The following GALNT18 variants were observed in gnomAD, a reference collection of about 807,000 sequenced individuals.
GALNT18 encodes the protein GalNAc-transferase 18.
GALNT18 carries 44 observed loss-of-function variants against 69.5 expected under a neutral mutation model. That is an observed-to-expected ratio of 0.63 (90% CI 0.50 to 0.81). The LOEUF (loss-of-function observed/expected upper bound fraction) is 0.81. Ranked by LOEUF, GALNT18 falls within the 40% of genes least tolerant of loss-of-function variation. The probability of loss-of-function intolerance (pLI) is 0.00; values close to 1 mark genes in which losing one functional copy is unlikely to be tolerated. For synonymous variants in GALNT18, 364 were observed against 318.2 expected, an observed-to-expected ratio of 1.14 and a Z score of -1.53; for missense variants, 715 against 810.0, an observed-to-expected ratio of 0.88 and a Z score of 1.42.
At chr11:11,440,180 A>C (rs1046366811) in intron 2 of GALNT18, among the ~76,000 whole-genome samples, 1 of 152,230 alleles carries the variant, frequency 6.6e-6, no homozygotes, top group Non-Finnish European at 1.5e-5. Flanking sequence ...TCTGCTATGT[A>C]AAATGTAGAC....
chr11:11,340,933 C>T lies in GALNT18; in HGVS notation c.1164G>A (p.Lys388=), dbSNP rs1850194214. The change falls in exon 7 of 11, where the codon AAG becomes AAA. Residue 388 remains lysine, a synonymous_variant. Coordinates refer to ENST00000227756, the MANE Select transcript of GALNT18 (RefSeq NM_198516.3). The surrounding 1 kb of genome is among the most constrained non-coding windows in gnomAD (Gnocchi z 4.2). ...SRIAHIERAH[K]PYTEDLTAHV... ...GGGCGGTGAGGTCCTCTGTGTAGGG[C>T]TTGTGGGCTCGCTCAATGTGGGCAA... The T allele has an allele frequency of 6.8e-6, 11 of 1,613,980 alleles. No individual in the cohort carries two copies. Among genetic ancestry groups the T allele is most frequent in the Non-Finnish European group, 7.6e-6 (9 of 1,179,924 alleles).
Position 11,601,688 on chromosome 11 carries a change from GTC to G in GALNT18, c.235+19669_235+19670del, listed in dbSNP as rs1258454187. Among the ~76,000 whole-genome samples, 1 of 152,182 alleles carries G rather than the reference GTC, an allele frequency of 6.6e-6. No individual in the cohort carries two copies. Among genetic ancestry groups the G allele is most frequent in the African/African-American group, 2.4e-5 (1 of 41,446 alleles). On this transcript the variant is annotated intron_variant, in intron 1 of 10. Transcript: ENST00000227756. The surrounding 1 kb of genome is among the most constrained non-coding windows in gnomAD (Gnocchi z 4.0). ...GAGGCTTTCTTTGACCATAGGAAAT[GTC>G]TCTTTCTTTGATTATGTCTGTTAAA...
intron 1 of GALNT18, among the ~76,000 whole-genome samples, chr11:11,495,174 G>A (rs1856845061): frequency 6.6e-6 from 1 of 152,164 alleles, no homozygotes; most frequent in Non-Finnish European, 1.5e-5. Context: ...CTGGACTCGG[G>A]GTTTCGAACC....
Position 11,591,043 on chromosome 11 carries a change from G to T in GALNT18, c.235+30316C>A, listed in dbSNP as rs1859345249. Among the ~76,000 whole-genome samples, 1 of 152,032 alleles carries T rather than the reference G, an allele frequency of 6.6e-6. No homozygotes were observed. The highest frequency in any genetic ancestry group is 2.4e-5 in the African/African-American group (1 of 41,366). On this transcript the variant is annotated intron_variant, in intron 1 of 10. Transcript: ENST00000227756. The surrounding 1 kb of genome is among the most constrained non-coding windows in gnomAD (Gnocchi z 4.8). ...AGGTCCTTCCTGAGATATTCCAGAA[G>T]AAGGCATTATCATCATAGCAGATGA...
At position 11,424,708 on chromosome 11, in the gene GALNT18, AG is replaced by A. The variant is rs1163438280; in HGVS notation, c.595+7912del. On this transcript the variant is annotated intron_variant, in intron 3 of 10. Transcript: ENST00000227756. ...AAACACAGCAGGATAAGGAGGAGCC[AG>A]GGTGCGTGGGAGCACTGAGGCCAAC... 9.9e-5 allele frequency among the ~76,000 whole-genome samples: 15 copies of A among 152,262 alleles called. No individual in the cohort carries two copies. In the East Asian group the frequency reaches 1.9e-3, roughly 20 times the overall value.
rs138848866 is a variant in GALNT18 at position 11,513,751 on chromosome 11, A to G, written c.236-64815T>C. On this transcript the variant is annotated intron_variant, in intron 1 of 10. Transcript: ENST00000227756. ...ACAGTAAAACAGTTTTATGTCTCCA[A>G]TGACATTTCTTCTGGGACTGTTCAG... Among the ~76,000 whole-genome samples the G allele has an allele frequency of 4.9e-4, 75 of 152,346 alleles. 2 individuals are homozygous for G. The South Asian group carries it at 5.6e-3, about 11-fold the overall frequency.
intron 9 of GALNT18, among the ~76,000 whole-genome samples, chr11:11,307,134 G>A (rs1849592740): frequency 6.6e-6 from 1 of 151,666 alleles, no homozygotes; most frequent in East Asian, 1.9e-4. Flanking sequence ...CAGAAGATAA[G>A]GCCAGTCTAG....
intron 1 of GALNT18, among the ~76,000 whole-genome samples, chr11:11,514,241 G>C (rs745602706): frequency 1.3e-5 from 2 of 152,170 alleles, no homozygotes; most frequent in African/African-American, 2.4e-5. Flanking sequence ...CCATATCTAG[G>C]TACTGGAGCT....
At chr11:11,466,298 T>C (rs1251084639) in intron 1 of GALNT18, among the ~76,000 whole-genome samples, 2 of 152,228 alleles carry the variant, frequency 1.3e-5, no homozygotes, top group Non-Finnish European at 2.9e-5. Context: ...ACGTGAATAT[T>C]GAAATCCCTA....
intron 6 of GALNT18, among the ~76,000 whole-genome samples, chr11:11,366,022 C>A (rs1384791570): frequency 6.6e-6 from 1 of 152,196 alleles, no homozygotes; most frequent in Non-Finnish European, 1.5e-5. Flanking sequence ...ACCCAAGCAA[C>A]AGTGCCCAGT....
rs573223865 is a variant in GALNT18 at position 11,602,788 on chromosome 11, A to G, written c.235+18571T>C. On this transcript the variant is annotated intron_variant, in intron 1 of 10. Transcript: ENST00000227756. This position sits in a 1 kb window ranked among gnomAD's most constrained non-coding sequence, Gnocchi z 4.7. ...AAAAAAAGAGAGAATCATTTAGAGA[A>G]CAGCTGGCTCTATTGATCAGTGCTC... Among the ~76,000 whole-genome samples the G allele has an allele frequency of 6.6e-6, 1 of 152,292 alleles. No individual in the cohort carries two copies. The highest frequency in any genetic ancestry group is 1.5e-5 in the Non-Finnish European group (1 of 68,020).
At chr11:11,508,356 G>A (rs917930109) in intron 1 of GALNT18, among the ~76,000 whole-genome samples, 1 of 152,164 alleles carries the variant, frequency 6.6e-6, no homozygotes, top group African/African-American at 2.4e-5. Flanking sequence ...GGTCAAAGAT[G>A]TTTGGCAAAT....
At chr11:11,393,928 G>A (rs1336928865) in intron 3 of GALNT18, among the ~76,000 whole-genome samples, 1 of 152,202 alleles carries the variant, frequency 6.6e-6, no homozygotes, top group Non-Finnish European at 1.5e-5. Flanking sequence ...TCCTGTTTGT[G>A]TTCCTTTCAT....
intron 1 of GALNT18, among the ~76,000 whole-genome samples, chr11:11,524,569 C>G (rs1425947389): frequency 1.3e-5 from 2 of 152,114 alleles, no homozygotes; most frequent in African/African-American, 2.4e-5. Context: ...ATGGTGTGTT[C>G]CAAATAGGGA....
Position 11,555,384 on chromosome 11 carries a change from C to T in GALNT18, c.235+65975G>A, listed in dbSNP as rs575337487. ...TTCCCCAACCCCAGCTTAATCCACG[C>T]TCCAGTGCTTAGGAGCTCAGACTGC... On this transcript the variant is annotated intron_variant, in intron 1 of 10. Transcript: ENST00000227756. The surrounding 1 kb of genome is among the most constrained non-coding windows in gnomAD (Gnocchi z 4.7). Among the ~76,000 whole-genome samples, 9 of 152,346 alleles carry T rather than the reference C, an allele frequency of 5.9e-5. No homozygotes were observed. In the East Asian group the frequency reaches 1.7e-3, roughly 29 times the overall value.
chr11:11,457,458 T>C (rs1321451482), intron 1 of GALNT18, among the ~76,000 whole-genome samples: 1 of 152,202 alleles, frequency 6.6e-6, no homozygotes, highest in Non-Finnish European at 1.5e-5. Context: ...CTAGCACTCA[T>C]ATCTGCTCCT....
rs549548239 is a variant in GALNT18 at position 11,560,896 on chromosome 11, G to A, written c.235+60463C>T. On this transcript the variant is annotated intron_variant, in intron 1 of 10. Coordinates refer to ENST00000227756, the MANE Select transcript of GALNT18 (RefSeq NM_198516.3). ...TGTTTGGCAGAATTGCCACAACTCT[G>A]CCACTGGGGAGTGGCAAAGCCTACT... 1.4e-4 allele frequency among the ~76,000 whole-genome samples: 22 copies of A among 152,324 alleles called. No homozygotes were observed. The South Asian group carries it at 4.6e-3, about 32-fold the overall frequency.
intron 1 of GALNT18, among the ~76,000 whole-genome samples, chr11:11,468,475 C>T (rs1454424551): frequency 6.6e-6 from 1 of 152,106 alleles, no homozygotes; most frequent in Admixed American, 6.5e-5. Flanking sequence ...GTCTTTTCTC[C>T]ATACCACAAA....
At chr11:11,570,671 T>TC (rs1298381194) in intron 1 of GALNT18, among the ~76,000 whole-genome samples, 1 of 152,170 alleles carries the variant, frequency 6.6e-6, no homozygotes, top group Non-Finnish European at 1.5e-5. Flanking sequence ...TCTCACACGC[T>TC]CCATTTTTTG....
Sources: allele counts gnomAD v4.1 joint callset (sites outside exome capture counted in the v4.1 genomes callset), GRCh38; gene constraint gnomAD v4.1.1; non-coding constraint Gnocchi (gnomAD v3.1); transcripts MANE v1.5; gene names NCBI Gene and HGNC (gene_info 2026-07-23, HGNC 2026-07-21).